Variants in SEC24B observed in about 807,000 individuals in gnomAD.
SEC24B encodes the protein protein transport protein Sec24B.
SEC24B carries 45 observed loss-of-function variants against 142.8 expected under a neutral mutation model. The ratio of observed to expected loss-of-function variants is 0.32; its 90% CI spans 0.25 to 0.40. SEC24B has a LOEUF of 0.40. SEC24B is among the 10% of genes least tolerant of loss of function. The probability of loss-of-function intolerance (pLI) is 1.00; values close to 1 mark genes in which losing one functional copy is unlikely to be tolerated. For synonymous variants in SEC24B, 574 were observed against 568.2 expected (o/e 1.01, Z -0.15); for missense variants, 1,409 against 1,526.8 (o/e 0.92, Z 1.29).
At chr4:109,520,299 C>T in intron 11 of SEC24B, 67 bp from the exon 12 acceptor site, 2 of 956,572 alleles carry the variant, frequency 2.1e-6, no homozygotes, top group Non-Finnish European at 3.3e-6. Flanking sequence ...ATTACTATTT[C>T]ATTATTTTCT....
At chr4:109,473,244 G>A in intron 3 of SEC24B, 58 bp downstream of exon 3, 3 of 1,215,132 alleles carry the variant, frequency 2.5e-6, no homozygotes, top group Non-Finnish European at 3.2e-6. Context: ...ATTTATAGAA[G>A]ATATGAAAAA....
intron 2 of SEC24B, among the ~76,000 whole-genome samples, chr4:109,467,107 A>C (rs1286055847): frequency 8.6e-5 from 13 of 151,868 alleles, no homozygotes; most frequent in Admixed American, 8.5e-4. Context: ...CGGGCGGATC[A>C]CGAGGTCAGG....
intron 1 of SEC24B, 65 bp downstream of exon 1, chr4:109,434,067 TCGGGG>T (rs1052008852): frequency 7.0e-6 from 7 of 993,058 alleles, no homozygotes; most frequent in Non-Finnish European, 7.2e-6. Flanking sequence ...CACGGCCACA[TCGGGG>T]CGGGGCGGGC....
Position 109,433,890 on chromosome 4 carries a change from CT to C in SEC24B, c.22del (p.Ser8LeufsTer71). On this transcript the variant is annotated frameshift_variant, in exon 1 of 24. Transcript: ENST00000265175. LOFTEE classifies it high-confidence loss of function. The part of the protein sequence containing the change: MSAPAGS[S>X]HPAASARIPP... ...CCGTCATGTCGGCCCCCGCCGGGTC[CT>C]CTCACCCGGCCGCCAGCGCCCGGAT... The C allele has an allele frequency of 7.4e-7, 1 of 1,343,476 alleles. No homozygotes were observed. 83.2% of individuals were successfully genotyped at this position (1,343,476 alleles called of 1,614,324 possible). A position where few individuals can be genotyped will look rare whatever the true frequency, so the allele number is the denominator to read the frequency against.
chr4:109,496,570 A>G (rs922223478), intron 6 of SEC24B, among the ~76,000 whole-genome samples: 1 of 152,220 alleles, frequency 6.6e-6, no homozygotes, highest in Non-Finnish European at 1.5e-5. Context: ...TAGCTACTCA[A>G]GACTAAAGTA....
At chr4:109,494,482 G>A (rs1032640885) in intron 5 of SEC24B, 133 bp from the exon 6 acceptor site, 39 of 1,072,732 alleles carry the variant, frequency 3.6e-5, no homozygotes, top group Non-Finnish European at 5.1e-5. Context: ...CTTTGTGTGT[G>A]TCCAAAATTT....
At chr4:109,446,954 C>T (rs1465527139) in intron 1 of SEC24B, among the ~76,000 whole-genome samples, 1 of 152,166 alleles carries the variant, frequency 6.6e-6, no homozygotes. Flanking sequence ...TTTTCACTTG[C>T]AGAATTTACA....
intron 3 of SEC24B, among the ~76,000 whole-genome samples, chr4:109,475,417 T>G (rs1001077403): frequency 2.6e-5 from 4 of 152,198 alleles, no homozygotes; most frequent in Non-Finnish European, 5.9e-5. Flanking sequence ...TGATTATACT[T>G]AAAAAGAGAT....
intron 4 of SEC24B, chr4:109,488,766 T>C (rs1186952823): frequency 1.8e-5 from 3 of 167,774 alleles, no homozygotes; most frequent in Non-Finnish European, 2.9e-5. Context: ...TGTGGAAAAA[T>C]TGGAATCCTC....
At chr4:109,530,242 A>T (rs773758984) in intron 18 of SEC24B, 47 bp from the exon 19 acceptor site, 1 of 1,534,284 alleles carries the variant, frequency 6.5e-7, no homozygotes, top group Non-Finnish European at 8.9e-7. Flanking sequence ...TATAGTGCCC[A>T]TTGGATTCTA....
At chr4:109,533,450 T>G (rs561491105) in intron 21 of SEC24B, 143 bp from the exon 22 acceptor site, 2 of 639,324 alleles carry the variant, frequency 3.1e-6, no homozygotes, top group Non-Finnish European at 5.5e-6. Flanking sequence ...TTCTTACATA[T>G]AGATTCACAA....
At chr4:109,515,250 G>A (rs1737809929) in intron 10 of SEC24B, among the ~76,000 whole-genome samples, 1 of 151,816 alleles carries the variant, frequency 6.6e-6, no homozygotes, top group Non-Finnish European at 1.5e-5. Context: ...ACAGGCTCCC[G>A]CCACCACGCC....
intron 1 of SEC24B, among the ~76,000 whole-genome samples, chr4:109,447,337 A>T (rs1347186207): frequency 2.9e-5 from 2 of 69,176 alleles, no homozygotes; most frequent in African/African-American, 5.3e-5. Flanking sequence ...CACTTGTATT[A>T]AAAAAAAAGT....
chr4:109,456,195 CATA>C (rs1285960830), intron 1 of SEC24B, among the ~76,000 whole-genome samples: 4 of 151,998 alleles, frequency 2.6e-5, no homozygotes, highest in African/African-American at 7.2e-5. Context: ...TCTTTAGAGA[CATA>C]ATTGATTCTT....
rs1735366514 is a variant in SEC24B at position 109,494,751 on chromosome 4, T to C, written c.1383T>C (p.Tyr461=). The C allele has an allele frequency of 1.2e-6, 2 of 1,614,120 alleles. No homozygotes were observed. Among genetic ancestry groups the C allele is most frequent in the Admixed American group, 1.7e-5 (1 of 60,010 alleles). The change falls in exon 6 of 24, where the codon TAT becomes TAC. Residue 461 remains tyrosine, a synonymous_variant. Coordinates refer to ENST00000265175, the MANE Select transcript of SEC24B (RefSeq NM_006323.5). ...CAAAAATGGCTAAGCCTTTTGGCTA[T>C]GGCTATCCAACACTTCAGCCTGGTT... ...QPSKMAKPFG[Y]GYPTLQPGYQ...
At chr4:109,469,855 AT>A (rs1294978969) in intron 2 of SEC24B, among the ~76,000 whole-genome samples, 14 of 152,212 alleles carry the variant, frequency 9.2e-5, no homozygotes, top group African/African-American at 3.4e-4. Flanking sequence ...AAAGAAAAAC[AT>A]AAGCTGCGAA....
At chr4:109,508,951 A>G (rs1173574276) in intron 7 of SEC24B, among the ~76,000 whole-genome samples, 1 of 152,242 alleles carries the variant, frequency 6.6e-6, no homozygotes, top group Non-Finnish European at 1.5e-5. Context: ...GAATCACAGA[A>G]CTTATATTCT....
chr4:109,494,470 T>G, intron 5 of SEC24B, 145 bp from the exon 6 acceptor site: 1 of 849,206 alleles, frequency 1.2e-6, no homozygotes, highest in South Asian at 1.7e-5. Context: ...TCATTCCCCC[T>G]ACTTTGTGTG....
At position 109,521,448 on chromosome 4, in the gene SEC24B, C is replaced by T; in HGVS notation, c.2330C>T (p.Pro777Leu). ...ELIKDLLNAL[P>L]NMFTNTRETH... ...ATAAAAGACTTACTGAATGCATTACCAAACATGTTCACCAATACAAGAGAA... is the reference window on the plus strand; with the variant it reads ...ATAAAAGACTTACTGAATGCATTACTAAACATGTTCACCAATACAAGAGAA... Residue 777 changes from proline to leucine, a missense_variant, in exon 14 of 24, where the codon CCA becomes CTA. Pro to Leu is a moderately conservative substitution (Grantham distance 98). Coordinates refer to ENST00000265175, the MANE Select transcript of SEC24B (RefSeq NM_006323.5). 1 of 1,613,910 alleles carries T rather than the reference C, an allele frequency of 6.2e-7. No homozygotes were observed. Among genetic ancestry groups the T allele is most frequent in the Non-Finnish European group, 8.5e-7 (1 of 1,179,958 alleles).
Sources: gnomAD v4.1 joint callset for allele counts (sites outside exome capture counted in the v4.1 genomes callset) on GRCh38, gnomAD v4.1.1 for gene constraint, MANE v1.5 for transcripts, NCBI Gene and HGNC (gene_info 2026-07-23, HGNC 2026-07-21) for gene names.